The following TOX4 variants were observed in gnomAD, a reference collection of about 807,000 sequenced individuals.
TOX4 encodes TOX high mobility group box family member 4.
TOX4 carries 12 observed loss-of-function variants against 61.0 expected under a neutral mutation model. The observed-to-expected ratio is 0.20, with a 90% CI of 0.13 to 0.32. TOX4 has a LOEUF of 0.32. TOX4 is among the 10% of genes least tolerant of loss of function. The probability of loss-of-function intolerance (pLI) is 1.00; values close to 1 mark genes in which losing one functional copy is unlikely to be tolerated. For synonymous variants in TOX4, 268 were observed against 274.8 expected, an observed-to-expected ratio of 0.98 and a Z score of 0.24; for missense variants, 499 against 753.3, an observed-to-expected ratio of 0.66 and a Z score of 3.95.
At chr14:21,494,918 CA>C (rs910723030) in intron 7 of TOX4, among the ~76,000 whole-genome samples, 1 of 148,956 alleles carries the variant, frequency 6.7e-6, no homozygotes, top group Non-Finnish European at 1.5e-5. Flanking sequence ...GACTCCGTCT[CA>C]AAAAAAAACA....
At chr14:21,484,235 A>G (rs992129474) in intron 2 of TOX4, among the ~76,000 whole-genome samples, 14 of 150,482 alleles carry the variant, frequency 9.3e-5, no homozygotes, top group Non-Finnish European at 1.9e-4. Flanking sequence ...CTTTTAGGAA[A>G]CTTTTACAAA....
chr14:21,493,112 C>G lies in TOX4; in HGVS notation c.1496C>G (p.Pro499Arg), dbSNP rs1891328455. The change falls in exon 7 of 9, where the codon CCC becomes CGC. Residue 499 changes from proline (P) to arginine (R), a missense_variant. Pro to Arg is a moderately radical substitution (Grantham distance 103). Coordinates refer to ENST00000448790, the MANE Select transcript of TOX4 (RefSeq NM_014828.4). ...PPLQIKSVPL[P>R]TLKMQTTLVP... ...CTGCAGATCAAGAGTGTGCCTCTAC[C>G]CACTTTGAAAATGCAGACTACCTTA... 1 of 1,613,604 alleles carries G rather than the reference C, an allele frequency of 6.2e-7. No individual in the cohort carries two copies. Among genetic ancestry groups the G allele is most frequent in the Admixed American group, 1.7e-5 (1 of 59,960 alleles).
intron 2 of TOX4, among the ~76,000 whole-genome samples, chr14:21,478,350 G>T (rs1022707838): frequency 7.9e-5 from 12 of 152,242 alleles, no homozygotes; most frequent in African/African-American, 2.4e-4. Flanking sequence ...TAAAAGAGTT[G>T]AGTAGGACAT....
At chr14:21,493,667 G>A (rs1891342027) in intron 7 of TOX4, among the ~76,000 whole-genome samples, 1 of 152,072 alleles carries the variant, frequency 6.6e-6, no homozygotes. Flanking sequence ...TCGAACTCCT[G>A]ATCTCAGGTG....
rs1486783967 is a variant in TOX4, at chr14:21,495,579, A to T, written c.1805+187A>T. On this transcript the variant is annotated intron_variant, in intron 8 of 8. Coordinates refer to ENST00000448790, the MANE Select transcript of TOX4 (RefSeq NM_014828.4). Reference sequence around the variant, plus strand: ...ACATTTGCCACATAAGCCAAAGATGATGTAATCAGCAGTTCACATTTTTCA... The same window carrying T: ...ACATTTGCCACATAAGCCAAAGATGTTGTAATCAGCAGTTCACATTTTTCA... 21 of 564,188 alleles carry T rather than the reference A, an allele frequency of 3.7e-5. No homozygotes were observed. The Admixed American group carries it at 6.5e-4, about 17-fold the overall frequency. The allele number at this position is 564,188 out of a possible 1,614,324, so 34.9% of individuals were successfully genotyped here.
At chr14:21,484,256 A>C (rs765742964) in intron 2 of TOX4, among the ~76,000 whole-genome samples, 7 of 146,064 alleles carry the variant, frequency 4.8e-5, no homozygotes, top group Non-Finnish European at 9.0e-5. Context: ...TGTGATTCAG[A>C]GATTGGGCAT....
chr14:21,491,380 G>A (rs1158689688), intron 5 of TOX4, among the ~76,000 whole-genome samples: 2 of 151,730 alleles, frequency 1.3e-5, no homozygotes, highest in African/African-American at 4.8e-5. Flanking sequence ...ATTTTTTTGA[G>A]ACAGAGTCTC....
intron 2 of TOX4, among the ~76,000 whole-genome samples, chr14:21,482,824 C>T (rs2139619370): frequency 6.6e-6 from 1 of 151,540 alleles, no homozygotes; most frequent in East Asian, 1.9e-4. Flanking sequence ...TAGTGAATCT[C>T]TACTTTTACT....
At chr14:21,483,547 C>A (rs550243671) in intron 2 of TOX4, among the ~76,000 whole-genome samples, 20 of 151,964 alleles carry the variant, frequency 1.3e-4, no homozygotes, top group Non-Finnish European at 2.5e-4. Context: ...CACAGTGGCT[C>A]ACACTTGTAA....
chr14:21,495,493 C>A, intron 8 of TOX4, 101 bp downstream of exon 8: 1 of 1,402,226 alleles, frequency 7.1e-7, no homozygotes, highest in Non-Finnish European at 9.7e-7. Context: ...TGTCACCTTA[C>A]CTTAGGTAGA....
chr14:21,477,857 G>A lies in TOX4; in HGVS notation c.75+293G>A, dbSNP rs959774752. 9.2e-5 allele frequency among the ~76,000 whole-genome samples: 14 copies of A among 152,344 alleles called. 1 individual carries two copies. Among genetic ancestry groups the A allele is most frequent in the Middle Eastern group, 6.8e-3 (2 of 294 alleles). On this transcript the variant is annotated intron_variant, in intron 2 of 8. Coordinates refer to ENST00000448790, the MANE Select transcript of TOX4 (RefSeq NM_014828.4). The stretch of plus-strand genomic sequence containing the variant: ...TGTCTCCTTTCTCTGGGGAGAAATA[G>A]CTACAGTAATCTTAGGGGATCGCAG...
At chr14:21,495,112 CCA>C in intron 7 of TOX4, 115 bp from the exon 8 acceptor site, 2 of 1,183,998 alleles carry the variant, frequency 1.7e-6, no homozygotes, top group Non-Finnish European at 2.4e-6. Context: ...GTTTTGCCCC[CCA>C]GTGTGAGGAA....
At position 21,498,659 on chromosome 14, in the gene TOX4, G is replaced by A; in HGVS notation, c.*2053G>A. ...GGAGTATTCTTTGGATAAGCAAAAT[G>A]CTAGCAGCATGTGTTTTAAGCTCTG... On this transcript the variant is annotated 3_prime_UTR_variant, in exon 9 of 9. Coordinates refer to ENST00000448790, the MANE Select transcript of TOX4 (RefSeq NM_014828.4). 2 of 497,320 alleles carry A rather than the reference G, an allele frequency of 4.0e-6. No homozygotes were observed. Among genetic ancestry groups the A allele is most frequent in the Admixed American group, 7.2e-5 (2 of 27,716 alleles). 30.8% of individuals were successfully genotyped at this position (497,320 alleles called of 1,614,324 possible).
intron 7 of TOX4, among the ~76,000 whole-genome samples, chr14:21,493,977 C>T (rs1429162235): frequency 1.3e-5 from 2 of 151,788 alleles, no homozygotes; most frequent in South Asian, 2.1e-4. Context: ...TCTTGAACTC[C>T]TGACCTCGTG....
rs2139636217 is a variant in TOX4 at position 21,498,076 on chromosome 14, T to C, written c.*1470T>C. 1.7e-6 allele frequency: 1 copy of C among 583,256 alleles called. No individual in the cohort carries two copies. Among genetic ancestry groups the C allele is most frequent in the East Asian group, 2.8e-5 (1 of 35,404 alleles). 36.1% of individuals were successfully genotyped at this position (583,256 alleles called of 1,614,324 possible). On this transcript the variant is annotated 3_prime_UTR_variant, in exon 9 of 9. Transcript: ENST00000448790. ...AATACTCCCATTTCACATATAATAC[T>C]GAGAGATGAGTTGCACAAGATTATA...
At chr14:21,479,425 C>T (rs935926354) in intron 2 of TOX4, among the ~76,000 whole-genome samples, 10 of 151,624 alleles carry the variant, frequency 6.6e-5, no homozygotes, top group South Asian at 2.1e-4. Context: ...CCAAGGAGGG[C>T]GGATCACGAG....
chr14:21,487,898 A>G, intron 3 of TOX4: 1 of 545,982 alleles, frequency 1.8e-6, no homozygotes, highest in Non-Finnish European at 2.8e-6. Context: ...TTAAAATTGT[A>G]CAATGTCTGG....
In TOX4 at chr14:21,495,409, C is replaced by G; in HGVS notation, c.1805+17C>G. ...GCACTGCAGGTGAGCTTACAGTTCT[C>G]CCTTTTATAATTCAGCTACTGGTCA... On this transcript the variant is annotated intron_variant, in intron 8 of 8. Transcript: ENST00000448790. 1 of 1,600,952 alleles carries G rather than the reference C, an allele frequency of 6.2e-7. No individual in the cohort carries two copies. Among genetic ancestry groups the G allele is most frequent in the Non-Finnish European group, 8.5e-7 (1 of 1,172,252 alleles).
intron 2 of TOX4, among the ~76,000 whole-genome samples, chr14:21,478,176 G>A (rs943491270): frequency 6.6e-6 from 1 of 152,230 alleles, no homozygotes; most frequent in Non-Finnish European, 1.5e-5. Context: ...GACCTCAGGT[G>A]ATCCACCCAC....
Sources: allele counts gnomAD v4.1 joint callset (sites outside exome capture counted in the v4.1 genomes callset), GRCh38; gene constraint gnomAD v4.1.1; transcripts MANE v1.5; gene names NCBI Gene and HGNC (gene_info 2026-07-23, HGNC 2026-07-21).